GUCY1A2: variants seen among roughly 807,000 people sequenced by gnomAD.
GUCY1A2 encodes guanylate cyclase 1 soluble subunit alpha 2.
A neutral mutation model predicts 63.5 loss-of-function variants in GUCY1A2; 27 were observed. The observed-to-expected ratio is 0.43, with a 90% CI of 0.31 to 0.59. The LOEUF (loss-of-function observed/expected upper bound fraction) is 0.59. Ranked by LOEUF, GUCY1A2 falls within the 20% of genes least tolerant of loss-of-function variation. The probability of loss-of-function intolerance (pLI) is 0.11; values close to 1 mark genes in which losing one functional copy is unlikely to be tolerated. For missense variants in GUCY1A2, 768 were observed against 913.3 expected (o/e 0.84, Z 2.05); for synonymous variants, 364 against 343.5 (o/e 1.06, Z -0.66).
chr11:106,927,851 C>T (rs1467582637), intron 4 of GUCY1A2, among the ~76,000 whole-genome samples: 1 of 152,006 alleles, frequency 6.6e-6, no homozygotes, highest in Admixed American at 6.6e-5. Flanking sequence ...GGATTACAGG[C>T]GTGAGCCACC....
At chr11:106,951,089 G>T (rs995444757) in intron 3 of GUCY1A2, among the ~76,000 whole-genome samples, 1 of 152,152 alleles carries the variant, frequency 6.6e-6, no homozygotes, top group Non-Finnish European at 1.5e-5. Context: ...TTTTATGGCT[G>T]CATTTTATTC....
At chr11:106,824,142 A>G (rs1266628844) in intron 4 of GUCY1A2, 47 of 1,462,710 alleles carry the variant, frequency 3.2e-5, no homozygotes, top group Non-Finnish European at 4.1e-5. Flanking sequence ...GGCACATGCT[A>G]TTACTGTGCA....
At chr11:106,736,146 A>G (rs996229396) in intron 6 of GUCY1A2, among the ~76,000 whole-genome samples, 1 of 151,950 alleles carries the variant, frequency 6.6e-6, no homozygotes, top group African/African-American at 2.4e-5. Context: ...ATGTGATCCT[A>G]TTGGTCCATT....
chr11:106,731,773 A>C (rs1367239724), intron 6 of GUCY1A2, among the ~76,000 whole-genome samples: 2 of 152,162 alleles, frequency 1.3e-5, no homozygotes, highest in Non-Finnish European at 2.9e-5. Context: ...TCAAGAATGC[A>C]GTCCCATTCA....
intron 4 of GUCY1A2, among the ~76,000 whole-genome samples, chr11:106,900,062 G>A (rs1860108008): frequency 6.8e-6 from 1 of 148,030 alleles, no homozygotes; most frequent in Non-Finnish European, 1.5e-5. Flanking sequence ...CTCCAGCCTA[G>A]GCGACAGAGC....
chr11:106,757,293 A>C (rs1344452508), intron 6 of GUCY1A2, among the ~76,000 whole-genome samples: 1 of 152,140 alleles, frequency 6.6e-6, no homozygotes, highest in Non-Finnish European at 1.5e-5. Flanking sequence ...TTGGGTGAGA[A>C]CATGCTCCTT....
At chr11:106,763,467 C>G (rs2135393203) in intron 6 of GUCY1A2, among the ~76,000 whole-genome samples, 1 of 152,136 alleles carries the variant, frequency 6.6e-6, no homozygotes, top group Non-Finnish European at 1.5e-5. Flanking sequence ...TTTCTTCCCT[C>G]CATAACTGTA....
At chr11:106,727,192 G>A (rs1372815473) in intron 6 of GUCY1A2, among the ~76,000 whole-genome samples, 1 of 152,184 alleles carries the variant, frequency 6.6e-6, no homozygotes, top group Non-Finnish European at 1.5e-5. Context: ...TAGGACAGGA[G>A]CCATTCCCAT....
At chr11:106,814,872 T>C (rs1421768232) in intron 4 of GUCY1A2, among the ~76,000 whole-genome samples, 1 of 151,942 alleles carries the variant, frequency 6.6e-6, no homozygotes, top group Non-Finnish European at 1.5e-5. Flanking sequence ...TTATCAAAAA[T>C]ATAATAGAAA....
intron 4 of GUCY1A2, among the ~76,000 whole-genome samples, chr11:106,822,964 A>T (rs1036335535): frequency 1.3e-5 from 2 of 152,148 alleles, no homozygotes; most frequent in East Asian, 1.9e-4. Flanking sequence ...TACTTTTTTT[A>T]AAAAATGTAG....
At chr11:106,716,973 G>A (rs1863228220) in intron 6 of GUCY1A2, among the ~76,000 whole-genome samples, 1 of 152,018 alleles carries the variant, frequency 6.6e-6, no homozygotes, top group Non-Finnish European at 1.5e-5. Context: ...CGCTTGTAGA[G>A]CCTGAGGATA....
chr11:106,727,132 A>G (rs566217323), intron 6 of GUCY1A2, among the ~76,000 whole-genome samples: 1 of 152,326 alleles, frequency 6.6e-6, no homozygotes. Context: ...GTGTTGAAGT[A>G]TGAGGTAAAG....
At chr11:106,748,489 C>T (rs1451047764) in intron 6 of GUCY1A2, among the ~76,000 whole-genome samples, 1 of 152,144 alleles carries the variant, frequency 6.6e-6, no homozygotes, top group Non-Finnish European at 1.5e-5. Flanking sequence ...AGAACAGCAC[C>T]TCATTTTTCA....
At chr11:106,893,930 C>A (rs1860009846) in intron 4 of GUCY1A2, among the ~76,000 whole-genome samples, 3 of 152,174 alleles carry the variant, frequency 2.0e-5, no homozygotes, top group African/African-American at 7.2e-5. Context: ...TAGCTTCTCA[C>A]AGTGAATACT....
intron 4 of GUCY1A2, among the ~76,000 whole-genome samples, chr11:106,881,919 G>C (rs999303198): frequency 6.6e-6 from 1 of 151,856 alleles, no homozygotes; most frequent in Admixed American, 6.6e-5. Flanking sequence ...AAATATTATC[G>C]TAATATTTTT....
chr11:106,989,607 G>GA (rs1861445576), intron 1 of GUCY1A2, among the ~76,000 whole-genome samples: 1 of 151,932 alleles, frequency 6.6e-6, no homozygotes, highest in South Asian at 2.1e-4. Flanking sequence ...ACTTCAATTA[G>GA]AAAACTCATC....
At chr11:106,743,729 G>A (rs1863736950) in intron 6 of GUCY1A2, among the ~76,000 whole-genome samples, 2 of 152,112 alleles carry the variant, frequency 1.3e-5, no homozygotes, top group South Asian at 4.1e-4. Context: ...TGAGGCCAGG[G>A]AAAGCCATTC....
intron 4 of GUCY1A2, among the ~76,000 whole-genome samples, chr11:106,852,741 CAT>C (rs1859373166): frequency 6.6e-6 from 1 of 152,040 alleles, no homozygotes; most frequent in Non-Finnish European, 1.5e-5. Context: ...CATCTTTGTC[CAT>C]CAGGAATATT....
At chr11:106,888,315 A>G (rs916302575) in intron 4 of GUCY1A2, among the ~76,000 whole-genome samples, 26 of 150,106 alleles carry the variant, frequency 1.7e-4, no homozygotes, top group African/African-American at 6.5e-4. Context: ...AAAAAAAAAA[A>G]TTAGCCGGGC....
Sources: allele counts gnomAD v4.1 joint callset (sites outside exome capture counted in the v4.1 genomes callset), GRCh38; gene constraint gnomAD v4.1.1; transcripts MANE v1.5; gene names NCBI Gene and HGNC (gene_info 2026-07-23, HGNC 2026-07-21).